CAMK4: variants seen among roughly 807,000 people sequenced by gnomAD.
CAMK4 encodes the protein calcium/calmodulin-dependent protein kinase type IV.
In CAMK4, 22 loss-of-function variants were observed where a neutral mutation model predicts 44.9. The observed-to-expected ratio is 0.49, with a 90% CI of 0.35 to 0.70. The LOEUF is 0.70. Ranked by LOEUF, CAMK4 falls within the 30% of genes least tolerant of loss-of-function variation. The probability of loss-of-function intolerance (pLI) is 0.01; values close to 1 mark genes in which losing one functional copy is unlikely to be tolerated. For missense variants in CAMK4, 498 were observed against 586.8 expected, an observed-to-expected ratio of 0.85 and a Z score of 1.56; for synonymous variants, 218 against 215.4, an observed-to-expected ratio of 1.01 and a Z score of -0.11.
At chr5:111,459,764 C>T (rs138577859) in intron 7 of CAMK4, among the ~76,000 whole-genome samples, 1,963 of 144,664 alleles carry the variant, frequency 0.014, 44 homozygotes, top group African/African-American at 0.048. Flanking sequence ...GCTTGATCTC[C>T]GCTCACTGCA....
intron 1 of CAMK4, among the ~76,000 whole-genome samples, chr5:111,310,199 T>C (rs2112668223): frequency 6.6e-6 from 1 of 152,262 alleles, no homozygotes; most frequent in African/African-American, 2.4e-5. Context: ...GTTTCTCTAG[T>C]TTTATTGCTT....
chr5:111,302,224 C>T (rs1747750518), intron 1 of CAMK4: 1 of 152,970 alleles, frequency 6.5e-6, no homozygotes, highest in African/African-American at 2.4e-5. Flanking sequence ...ATAAATGTAT[C>T]AAAACTGGGG....
chr5:111,298,521 A>G (rs1747582396), intron 1 of CAMK4, among the ~76,000 whole-genome samples: 1 of 152,084 alleles, frequency 6.6e-6, no homozygotes, highest in Non-Finnish European at 1.5e-5. Context: ...TAGAGTGGAG[A>G]TAGGAGTTTT....
Position 111,344,016 on chromosome 5 carries a change from C to A in CAMK4, c.162-8C>A, listed in dbSNP as rs1457586725. ...TAACATTTTCTTTTTGTCTTTTTCC[C>A]CCTCAAGGGGTGCTACATCCATTGT... On this transcript the variant is annotated splice_region_variant and splice_polypyrimidine_tract_variant and intron_variant, in intron 1 of 10. Coordinates refer to ENST00000282356, the MANE Select transcript of CAMK4 (RefSeq NM_001744.6). 15 of 1,559,716 alleles carry A rather than the reference C, an allele frequency of 9.6e-6. No individual in the cohort carries two copies. Among genetic ancestry groups the A allele is most frequent in the Non-Finnish European group, 1.3e-5 (15 of 1,138,230 alleles).
chr5:111,358,962 T>C (rs1459712952), intron 2 of CAMK4, among the ~76,000 whole-genome samples: 1 of 152,168 alleles, frequency 6.6e-6, no homozygotes, highest in East Asian at 1.9e-4. Flanking sequence ...CACATTTTCT[T>C]TATTCAGTTT....
chr5:111,394,808 G>GT (rs764710440), intron 5 of CAMK4, 26 bp downstream of exon 5: 1 of 1,380,026 alleles, frequency 7.2e-7, no homozygotes, highest in Non-Finnish European at 1.0e-6. Context: ...CAGCAATGGT[G>GT]TAACTCTTAG....
At chr5:111,269,344 A>G (rs955292594) in intron 1 of CAMK4, among the ~76,000 whole-genome samples, 36 of 152,180 alleles carry the variant, frequency 2.4e-4, no homozygotes, top group African/African-American at 8.2e-4. Flanking sequence ...GTCTTTTCCA[A>G]ATGAATATTC....
At chr5:111,350,162 A>C (rs2050767180) in intron 2 of CAMK4, among the ~76,000 whole-genome samples, 1 of 152,052 alleles carries the variant, frequency 6.6e-6, no homozygotes, top group Non-Finnish European at 1.5e-5. Flanking sequence ...AAATGGGTTT[A>C]AGAGTATCTA....
chr5:111,325,816 T>C (rs1748862083), intron 1 of CAMK4, among the ~76,000 whole-genome samples: 1 of 151,840 alleles, frequency 6.6e-6, no homozygotes, highest in African/African-American at 2.4e-5. Context: ...TTTTCTACCA[T>C]TCTGTAGATT....
intron 8 of CAMK4, among the ~76,000 whole-genome samples, chr5:111,477,418 G>A (rs951969671): frequency 3.9e-5 from 6 of 152,160 alleles, no homozygotes; most frequent in African/African-American, 7.2e-5. Context: ...TTGGGAAAAT[G>A]TCTTTTATTC....
At chr5:111,469,148 A>C in intron 7 of CAMK4, among the ~76,000 whole-genome samples, 1 of 70,708 alleles carries the variant, frequency 1.4e-5, no homozygotes, top group Non-Finnish European at 2.5e-5. Context: ...CCATCTCAAA[A>C]AAAAAAAAAA....
At chr5:111,367,435 T>C (rs1750833552) in intron 2 of CAMK4, among the ~76,000 whole-genome samples, 2 of 151,990 alleles carry the variant, frequency 1.3e-5, no homozygotes, top group African/African-American at 4.8e-5. Context: ...ACATGAACTT[T>C]TGGAGGATGC....
chr5:111,361,252 A>G (rs1162541866), intron 2 of CAMK4, among the ~76,000 whole-genome samples: 1 of 152,060 alleles, frequency 6.6e-6, no homozygotes, highest in Admixed American at 6.6e-5. Flanking sequence ...ATACAAAATC[A>G]TAAGCTTTTT....
chr5:111,474,016 TGGTGGAACTGCA>T (rs1039261235), intron 8 of CAMK4, among the ~76,000 whole-genome samples: 1 of 152,134 alleles, frequency 6.6e-6, no homozygotes, highest in Non-Finnish European at 1.5e-5. Context: ...GCCAAAGACA[TGGTGGAACTGCA>T]GGTGGTGATG....
At chr5:111,397,931 C>T (rs1752082182) in intron 5 of CAMK4, among the ~76,000 whole-genome samples, 1 of 152,048 alleles carries the variant, frequency 6.6e-6, no homozygotes, top group Admixed American at 6.6e-5. Flanking sequence ...ATGAAGTAAT[C>T]TTCAAAATAA....
At chr5:111,384,052 A>C (rs1360762403) in intron 4 of CAMK4, among the ~76,000 whole-genome samples, 1 of 152,136 alleles carries the variant, frequency 6.6e-6, no homozygotes, top group African/African-American at 2.4e-5. Flanking sequence ...GATAGCCTCT[A>C]ATTTTCCAGT....
intron 1 of CAMK4, among the ~76,000 whole-genome samples, chr5:111,308,206 T>A (rs1286667941): frequency 1.4e-5 from 2 of 144,270 alleles, no homozygotes; most frequent in Non-Finnish European, 3.0e-5. Flanking sequence ...CATATGTAAC[T>A]AACCTGCACA....
upstream of CAMK4, chr5:111,224,216 G>C (rs914121100): frequency 2.2e-5 from 7 of 318,590 alleles, no homozygotes; most frequent in African/African-American, 6.6e-5. This position sits in a 1 kb window ranked among gnomAD's most constrained non-coding sequence, Gnocchi z 5.7. Flanking sequence ...AAGGAGCGAG[G>C]GGGAGGGAGC....
At chr5:111,341,394 G>C (rs1460423815) in intron 1 of CAMK4, among the ~76,000 whole-genome samples, 1 of 151,016 alleles carries the variant, frequency 6.6e-6, no homozygotes, top group East Asian at 2.0e-4. Context: ...GAGGTATGGA[G>C]AAATTTTGTT....
Sources: gnomAD v4.1 joint callset for allele counts (sites outside exome capture counted in the v4.1 genomes callset) on GRCh38, gnomAD v4.1.1 for gene constraint, Gnocchi (gnomAD v3.1) non-coding constraint, MANE v1.5 for transcripts, NCBI Gene and HGNC (gene_info 2026-07-23, HGNC 2026-07-21) for gene names.